The following ADK variants were observed in gnomAD, a reference collection of about 807,000 sequenced individuals.
ADK encodes N6,N6-dimethyladenosine kinase.
Under a neutral mutation model 44.7 loss-of-function variants are expected in ADK, and 24 were observed. The ratio of observed to expected loss-of-function variants is 0.54; its 90% CI spans 0.39 to 0.76. ADK has a LOEUF of 0.76. Ranked by LOEUF, ADK falls within the 30% of genes least tolerant of loss-of-function variation. The pLI is 0.00. For synonymous variants in ADK, 128 were observed against 142.6 expected (o/e 0.90, Z 0.73); for missense variants, 321 against 425.1 (o/e 0.76, Z 2.15).
At chr10:74,325,092 G>A (rs1381108395) in intron 4 of ADK, among the ~76,000 whole-genome samples, 3 of 152,036 alleles carry the variant, frequency 2.0e-5, no homozygotes, top group Admixed American at 2.0e-4. Flanking sequence ...GATAGTATGG[G>A]CATTTTAATG....
intron 8 of ADK, among the ~76,000 whole-genome samples, chr10:74,595,997 CAA>C (rs35924345): frequency 6.4e-5 from 4 of 62,690 alleles, no homozygotes; most frequent in Non-Finnish European, 1.0e-4. Flanking sequence ...AATTCCATCT[CAA>C]AAAAAAAAAA....
intron 1 of ADK, among the ~76,000 whole-genome samples, chr10:74,192,645 G>C (rs539094081): frequency 2.0e-5 from 3 of 151,972 alleles, no homozygotes; most frequent in South Asian, 4.2e-4. Flanking sequence ...TCCCACCTCA[G>C]CTTCCTGAGG....
At chr10:74,648,555 G>A (rs770581976) in intron 9 of ADK, among the ~76,000 whole-genome samples, 7 of 151,818 alleles carry the variant, frequency 4.6e-5, no homozygotes, top group Non-Finnish European at 8.8e-5. Context: ...GCACACGCCT[G>A]TAGTCCCTGC....
At chr10:74,257,440 T>A (rs928810890) in intron 3 of ADK, among the ~76,000 whole-genome samples, 1 of 152,220 alleles carries the variant, frequency 6.6e-6, no homozygotes, top group Admixed American at 6.5e-5. Flanking sequence ...CAAAGTTTCA[T>A]AATAATCTAT....
At chr10:74,639,088 C>T (rs1853731937) in intron 9 of ADK, among the ~76,000 whole-genome samples, 1 of 152,184 alleles carries the variant, frequency 6.6e-6, no homozygotes, top group Non-Finnish European at 1.5e-5. Context: ...GGATTATAAG[C>T]ATGAACCACC....
At chr10:74,161,317 T>A (rs1841891050) in intron 1 of ADK, among the ~76,000 whole-genome samples, 1 of 152,144 alleles carries the variant, frequency 6.6e-6, no homozygotes, top group Non-Finnish European at 1.5e-5. Flanking sequence ...TTCTCCTGCC[T>A]CAGCCTCCCG....
At chr10:74,552,759 A>G (rs1338940529) in intron 7 of ADK, among the ~76,000 whole-genome samples, 1 of 152,176 alleles carries the variant, frequency 6.6e-6, no homozygotes, top group Non-Finnish European at 1.5e-5. Flanking sequence ...ATTTTTAAAA[A>G]TTGGGCAAAA....
rs553980466 is a variant in ADK at position 74,278,438 on chromosome 10, AT to A, written c.195-36222del. 5.1e-3 allele frequency among the ~76,000 whole-genome samples: 765 copies of A among 149,162 alleles called. 9 individuals are homozygous for A. Among genetic ancestry groups the A allele is most frequent in the African/African-American group, 0.018 (736 of 40,810 alleles). ...GTTAGGTTTGTCCATTTTTTTCCAG[AT>A]TTTTTTGGCTTGATATATTTTGAGA... On this transcript the variant is annotated intron_variant, in intron 3 of 10. Coordinates refer to ENST00000539909, the MANE Select transcript of ADK (RefSeq NM_006721.4).
At chr10:74,165,984 GT>G (rs1431140638) in intron 1 of ADK, among the ~76,000 whole-genome samples, 25 of 152,252 alleles carry the variant, frequency 1.6e-4, no homozygotes, top group Middle Eastern at 3.4e-3. Flanking sequence ...GAGTTGCTCT[GT>G]TGCCCAGGCT....
At chr10:74,447,280 C>T (rs1421420320) in intron 6 of ADK, among the ~76,000 whole-genome samples, 5 of 151,964 alleles carry the variant, frequency 3.3e-5, no homozygotes, top group Non-Finnish European at 5.9e-5. Context: ...GGGGTTTAGA[C>T]TTCTGGTGGG....
chr10:74,464,832 T>C (rs1171350198), intron 6 of ADK, among the ~76,000 whole-genome samples: 1 of 73,590 alleles, frequency 1.4e-5, no homozygotes, highest in Admixed American at 1.5e-4. Context: ...TGGGCAACTA[T>C]TTAAGAAAAA....
intron 4 of ADK, among the ~76,000 whole-genome samples, chr10:74,367,763 A>C (rs895351888): frequency 2.0e-5 from 3 of 152,180 alleles, no homozygotes; most frequent in Admixed American, 6.5e-5. Context: ...CATATTAATC[A>C]CATTTTTTGT....
chr10:74,209,784 T>C (rs1474911350), intron 2 of ADK, among the ~76,000 whole-genome samples: 1 of 152,160 alleles, frequency 6.6e-6, no homozygotes, highest in African/African-American at 2.4e-5. Context: ...TTGAAAAGAA[T>C]CTTTTCTAGT....
intron 7 of ADK, among the ~76,000 whole-genome samples, chr10:74,588,681 A>G (rs976586369): frequency 6.6e-6 from 1 of 152,190 alleles, no homozygotes; most frequent in Non-Finnish European, 1.5e-5. Flanking sequence ...GATAGCATCG[A>G]TCACTGGGTT....
At chr10:74,360,571 T>G (rs1201360916) in intron 4 of ADK, among the ~76,000 whole-genome samples, 3 of 152,328 alleles carry the variant, frequency 2.0e-5, no homozygotes, top group Admixed American at 2.0e-4. Flanking sequence ...TCTCTCTCTC[T>G]CTTTCCCTTT....
intron 3 of ADK, among the ~76,000 whole-genome samples, chr10:74,302,384 A>T (rs2132524996): frequency 6.6e-6 from 1 of 150,552 alleles, no homozygotes; most frequent in Non-Finnish European, 1.5e-5. Flanking sequence ...AGCCTCCCAA[A>T]GTGCTAGGAT....
intron 2 of ADK, among the ~76,000 whole-genome samples, chr10:74,222,445 C>T (rs1844348470): frequency 2.0e-5 from 3 of 151,682 alleles, no homozygotes; most frequent in Admixed American, 2.0e-4. Context: ...TTGTGGAAGT[C>T]AGTGTGGCGA....
chr10:74,540,561 G>A (rs748915511), intron 7 of ADK, among the ~76,000 whole-genome samples: 25 of 152,108 alleles, frequency 1.6e-4, no homozygotes, highest in Admixed American at 5.9e-4. Context: ...CCAGGTTCAA[G>A]CGATTCTCAA....
intron 6 of ADK, among the ~76,000 whole-genome samples, chr10:74,467,037 T>G (rs1846382092): frequency 6.6e-6 from 1 of 152,186 alleles, no homozygotes; most frequent in Non-Finnish European, 1.5e-5. Flanking sequence ...TAGATGTTTT[T>G]GTATGATACA....
Sources: gnomAD v4.1 joint callset for allele counts (sites outside exome capture counted in the v4.1 genomes callset) on GRCh38, gnomAD v4.1.1 for gene constraint, MANE v1.5 for transcripts, NCBI Gene and HGNC (gene_info 2026-07-23, HGNC 2026-07-21) for gene names.